The following TAFA5 variants were observed in gnomAD, a reference collection of about 807,000 sequenced individuals.
TAFA5 encodes chemokine-like protein TAFA-5.
Under a neutral mutation model 15.3 loss-of-function variants are expected in TAFA5, and 6 were observed. The observed-to-expected ratio is 0.39, with a 90% CI of 0.21 to 0.77. The LOEUF is 0.77. Among genes scored for constraint, TAFA5 ranks in the 30% least tolerant of loss-of-function variants. The pLI, the probability that TAFA5 is intolerant of heterozygous loss-of-function variation, is 0.41. For missense variants in TAFA5, 161 were observed against 193.1 expected, an observed-to-expected ratio of 0.83 and a Z score of 0.98; for synonymous variants, 103 against 80.7, an observed-to-expected ratio of 1.28 and a Z score of -1.48.
At chr22:48,573,534 G>A (rs9626846) in intron 1 of TAFA5, among the ~76,000 whole-genome samples, 1,958 of 151,568 alleles carry the variant, frequency 0.013, 52 homozygotes, top group African/African-American at 0.045. Flanking sequence ...CTCACTCTTC[G>A]GAAGCCCTAC....
chr22:48,576,247 C>T (rs1601589243), intron 1 of TAFA5: 2 of 484,790 alleles, frequency 4.1e-6, no homozygotes, highest in East Asian at 9.0e-5. Context: ...CTCCCCGCCC[C>T]CGCCCGCCCC....
At chr22:48,562,765 G>C (rs1160916019) in intron 1 of TAFA5, among the ~76,000 whole-genome samples, 1 of 152,156 alleles carries the variant, frequency 6.6e-6, no homozygotes, top group Non-Finnish European at 1.5e-5. Context: ...GGTCAGGGCG[G>C]GTCAGGCCTG....
intron 1 of TAFA5, chr22:48,546,702 T>G (rs1922685674): frequency 2.3e-6 from 1 of 431,496 alleles, no homozygotes; most frequent in African/African-American, 2.0e-5. Context: ...CCTCCATTCC[T>G]CCAGGTGCCC....
rs75208219 is a variant in TAFA5 at position 48,507,462 on chromosome 22, G to A, written c.112+17758G>A. Among the ~76,000 whole-genome samples, 16 of 152,316 alleles carry A rather than the reference G, an allele frequency of 1.1e-4. No homozygotes were observed. In the South Asian group the frequency reaches 1.2e-3, roughly 12 times the overall value. ...AGAAGTCCTTGGAAAATCGCCAGAC[G>A]TGGTGGCGTCTGCCTGGGACTTGAT... On this transcript the variant is annotated intron_variant, in intron 1 of 3. Coordinates refer to ENST00000402357, the MANE Select transcript of TAFA5 (RefSeq NM_001082967.3).
chr22:48,737,403 CT>C (rs922159271), intron 3 of TAFA5, among the ~76,000 whole-genome samples: 10 of 152,314 alleles, frequency 6.6e-5, no homozygotes, highest in Middle Eastern at 6.8e-3. Flanking sequence ...AGGAGCGCCC[CT>C]GAGCCTGCCC....
intron 1 of TAFA5, among the ~76,000 whole-genome samples, chr22:48,589,199 T>C (rs367770475): frequency 6.6e-6 from 1 of 152,356 alleles, no homozygotes. Context: ...ATGCACGTAT[T>C]GAGTACCTGC....
intron 2 of TAFA5, among the ~76,000 whole-genome samples, chr22:48,692,011 G>C (rs1179226496): frequency 2.0e-5 from 3 of 152,168 alleles, no homozygotes; most frequent in African/African-American, 7.2e-5. Flanking sequence ...CCTAGGGCAG[G>C]AACACTGGGT....
At chr22:48,493,092 C>T (rs1225807478) in intron 1 of TAFA5, among the ~76,000 whole-genome samples, 1 of 152,172 alleles carries the variant, frequency 6.6e-6, no homozygotes, top group Non-Finnish European at 1.5e-5. Context: ...CAAATGAGGA[C>T]CTGGGGCAAC....
chr22:48,576,929 C>G (rs914201601), intron 1 of TAFA5, among the ~76,000 whole-genome samples: 3 of 152,196 alleles, frequency 2.0e-5, no homozygotes, highest in East Asian at 1.9e-4. Context: ...CCGCCGGGCC[C>G]TCGGTAGATG....
At chr22:48,563,977 T>C (rs1417857687) in intron 1 of TAFA5, among the ~76,000 whole-genome samples, 2 of 151,900 alleles carry the variant, frequency 1.3e-5, no homozygotes, top group East Asian at 3.9e-4. Context: ...CTGTTCTCTG[T>C]ACAAAGAGTG....
intron 2 of TAFA5, among the ~76,000 whole-genome samples, chr22:48,688,309 G>C (rs79385631): frequency 6.6e-6 from 1 of 152,330 alleles, no homozygotes; most frequent in South Asian, 2.1e-4. Context: ...TATCAAGACT[G>C]TTCCCACTAA....
At chr22:48,506,463 C>G (rs1011729317) in intron 1 of TAFA5, among the ~76,000 whole-genome samples, 2 of 152,196 alleles carry the variant, frequency 1.3e-5, no homozygotes, top group Non-Finnish European at 1.5e-5. Flanking sequence ...GACAAAAACG[C>G]GGCATGTCCA....
At chr22:48,689,013 A>AG (rs754385476) in intron 2 of TAFA5, among the ~76,000 whole-genome samples, 15,826 of 111,352 alleles carry the variant, frequency 0.14, 1,295 homozygotes, top group East Asian at 0.2. Context: ...AAAAAAAAAG[A>AG]GAGAGAAAAC....
At chr22:48,523,263 G>A (rs1315729610) in intron 1 of TAFA5, among the ~76,000 whole-genome samples, 1 of 152,246 alleles carries the variant, frequency 6.6e-6, no homozygotes, top group African/African-American at 2.4e-5. Flanking sequence ...CTTTGCCGTG[G>A]GACAGGGCTG....
At chr22:48,620,601 A>ACCCATCCTATCCACCCACCCACCCTCC (rs1925768027) in intron 1 of TAFA5, among the ~76,000 whole-genome samples, 3 of 16,816 alleles carry the variant, frequency 1.8e-4, no homozygotes, top group Admixed American at 6.8e-4. Context: ...CCACCCCCCT[A>ACCCATCCTATCCACCCACCCACCCTCC]CCCATCCTAT....
chr22:48,602,924 C>T (rs1238091192), intron 1 of TAFA5, among the ~76,000 whole-genome samples: 1 of 152,144 alleles, frequency 6.6e-6, no homozygotes, highest in African/African-American at 2.4e-5. Context: ...AGGCCGATGC[C>T]CCTGAGGCCG....
At chr22:48,736,844 G>A (rs1001020671) in intron 3 of TAFA5, among the ~76,000 whole-genome samples, 13 of 152,252 alleles carry the variant, frequency 8.5e-5, no homozygotes, top group African/African-American at 3.1e-4. Flanking sequence ...GAGATGGGGA[G>A]TGGTTGCTGA....
At chr22:48,587,054 CTGTT>C (rs71765757) in intron 1 of TAFA5, among the ~76,000 whole-genome samples, 9,478 of 152,328 alleles carry the variant, frequency 0.062, 344 homozygotes, top group African/African-American at 0.09. Context: ...TCAGCTGTGT[CTGTT>C]TGTCTGTGGT....
chr22:48,516,027 C>G (rs1921393872), intron 1 of TAFA5, among the ~76,000 whole-genome samples: 1 of 152,064 alleles, frequency 6.6e-6, no homozygotes, highest in Admixed American at 6.5e-5. Flanking sequence ...CCTTCACCGC[C>G]GCTCAGCACC....
Sources: gnomAD v4.1 joint callset for allele counts (sites outside exome capture counted in the v4.1 genomes callset) on GRCh38, gnomAD v4.1.1 for gene constraint, MANE v1.5 for transcripts, NCBI Gene and HGNC (gene_info 2026-07-23, HGNC 2026-07-21) for gene names.